Variants in SHISA9 observed in about 807,000 individuals in gnomAD.
SHISA9 encodes the protein shisa family member 9.
In SHISA9, 13 loss-of-function variants were observed where a neutral mutation model predicts 38.0. The observed-to-expected ratio is 0.34, with a 90% CI of 0.22 to 0.54. The LOEUF (loss-of-function observed/expected upper bound fraction) is 0.54. Ranked by LOEUF, SHISA9 falls within the 20% of genes least tolerant of loss-of-function variation. SHISA9 has a pLI of 0.91. For synonymous variants in SHISA9, 275 were observed against 242.0 expected, an observed-to-expected ratio of 1.14 and a Z score of -1.27; for missense variants, 538 against 575.8, an observed-to-expected ratio of 0.93 and a Z score of 0.67.
the SHISA9 span, among the ~76,000 whole-genome samples, chr16:13,365,455 T>TC: frequency 3.2e-5 from 1 of 30,804 alleles, no homozygotes; most frequent in Non-Finnish European, 6.9e-5. Context: ...AGTATACCTC[T>TC]TTTTTTTTTT....
intron 2 of SHISA9, among the ~76,000 whole-genome samples, chr16:12,988,424 T>C (rs962377002): frequency 6.6e-6 from 1 of 152,224 alleles, no homozygotes; most frequent in Non-Finnish European, 1.5e-5. Context: ...ACACCCGTGA[T>C]CACTCATTCT....
rs1175975647 is a variant in SHISA9, at chr16:12,904,737, C to T, written c.563+2110C>T. On this transcript the variant is annotated intron_variant, in intron 1 of 4. Transcript: ENST00000558583. The stretch of plus-strand genomic sequence containing the variant: ...AGTTGTTGATTTTTACTGGCAGCTT[C>T]TAAGGTATGATTTTCAACTGTAACT... Among the ~76,000 whole-genome samples the T allele has an allele frequency of 7.2e-5, 11 of 152,252 alleles. No individual in the cohort carries two copies. In the East Asian group the frequency reaches 1.9e-3, roughly 27 times the overall value.
intron 2 of SHISA9, among the ~76,000 whole-genome samples, chr16:13,040,152 A>C (rs2073117494): frequency 6.6e-6 from 1 of 152,122 alleles, no homozygotes; most frequent in South Asian, 2.1e-4. Context: ...ACCAAATCAC[A>C]TCATGTTACC....
chr16:13,057,227 T>C (rs1015184075), intron 2 of SHISA9, among the ~76,000 whole-genome samples: 8 of 152,056 alleles, frequency 5.3e-5, no homozygotes, highest in Non-Finnish European at 1.0e-4. Context: ...AGAACGTTCA[T>C]GGATTTGAGC....
At chr16:13,088,368 GA>G in intron 2 of SHISA9, among the ~76,000 whole-genome samples, 1 of 152,316 alleles carries the variant, frequency 6.6e-6, no homozygotes, top group Middle Eastern at 3.4e-3. Context: ...TTGGTAGCTT[GA>G]TGGGGACGGC....
At chr16:13,343,241 C>A in the SHISA9 span, among the ~76,000 whole-genome samples, 1 of 152,148 alleles carries the variant, frequency 6.6e-6, no homozygotes, top group South Asian at 2.1e-4. Context: ...ATCTGCAGAT[C>A]TCTCAATATC....
the SHISA9 span, among the ~76,000 whole-genome samples, chr16:13,285,488 T>TTTTTTTTTTTTTTTA: frequency 8.1e-6 from 1 of 123,754 alleles, no homozygotes; most frequent in African/African-American, 3.1e-5. Context: ...TTTTTTTTTT[T>TTTTTTTTTTTTTTTA]ATAAAAGGAG....
the SHISA9 span, among the ~76,000 whole-genome samples, chr16:13,289,952 T>A: frequency 2.6e-5 from 4 of 152,204 alleles, no homozygotes; most frequent in Non-Finnish European, 4.4e-5. Context: ...GAAAGAATGC[T>A]GTAATTTGAG....
intron 2 of SHISA9, among the ~76,000 whole-genome samples, chr16:13,130,496 T>C (rs74596990): frequency 0.014 from 2,203 of 152,312 alleles, 62 homozygotes; most frequent in African/African-American, 0.051. Context: ...CACATCCTTA[T>C]ATTTCTTGGT....
At chr16:13,434,575 G>A in the SHISA9 span, among the ~76,000 whole-genome samples, 1 of 151,786 alleles carries the variant, frequency 6.6e-6, no homozygotes, top group Non-Finnish European at 1.5e-5. Flanking sequence ...CCGCCACCAA[G>A]CCCAGCTAAT....
At chr16:13,314,458 T>C in the SHISA9 span, among the ~76,000 whole-genome samples, 2 of 152,122 alleles carry the variant, frequency 1.3e-5, no homozygotes, top group Non-Finnish European at 2.9e-5. Flanking sequence ...CAGGCTGGTC[T>C]CAAACTCCTG....
intron 2 of SHISA9, among the ~76,000 whole-genome samples, chr16:13,069,724 A>AG (rs1443838201): frequency 6.6e-6 from 1 of 151,944 alleles, no homozygotes. Context: ...ATGTCTTGAA[A>AG]CTTAATCTCA....
chr16:13,066,863 G>A (rs1157499270), intron 2 of SHISA9, among the ~76,000 whole-genome samples: 1 of 152,180 alleles, frequency 6.6e-6, no homozygotes, highest in East Asian at 1.9e-4. Flanking sequence ...TAAGTGGCAT[G>A]GTTGCACTGG....
chr16:13,448,960 G>A, the SHISA9 span, among the ~76,000 whole-genome samples: 10 of 152,200 alleles, frequency 6.6e-5, no homozygotes, highest in African/African-American at 1.4e-4. Context: ...ACTGTCACCC[G>A]TATTCTATTA....
At chr16:13,153,649 C>G (rs1476122824) in intron 2 of SHISA9, among the ~76,000 whole-genome samples, 1 of 152,152 alleles carries the variant, frequency 6.6e-6, no homozygotes, top group African/African-American at 2.4e-5. Context: ...AGTACAAGCT[C>G]CGGCAAGCAG....
chr16:13,470,608 G>A, the SHISA9 span, among the ~76,000 whole-genome samples: 29 of 152,232 alleles, frequency 1.9e-4, no homozygotes, highest in African/African-American at 6.5e-4. Context: ...AACTGCTGCC[G>A]TGATTCAATT....
At chr16:13,118,811 C>T (rs931658086) in intron 2 of SHISA9, among the ~76,000 whole-genome samples, 1 of 149,156 alleles carries the variant, frequency 6.7e-6, no homozygotes, top group Non-Finnish European at 1.5e-5. Flanking sequence ...CTTACTGCAA[C>T]CTCCACCTCA....
At chr16:13,173,351 G>A (rs1205725292) in intron 2 of SHISA9, among the ~76,000 whole-genome samples, 2 of 145,178 alleles carry the variant, frequency 1.4e-5, no homozygotes, top group African/African-American at 5.2e-5. Flanking sequence ...ACACTACAAT[G>A]TGGAAATGGC....
intron 2 of SHISA9, among the ~76,000 whole-genome samples, chr16:13,056,919 G>T (rs2073317619): frequency 6.6e-6 from 1 of 152,230 alleles, no homozygotes. Context: ...ACACAGCGGG[G>T]CTTAGGGAGA....
Sources: allele counts gnomAD v4.1 joint callset (sites outside exome capture counted in the v4.1 genomes callset), GRCh38; gene constraint gnomAD v4.1.1; transcripts MANE v1.5; gene names NCBI Gene and HGNC (gene_info 2026-07-23, HGNC 2026-07-21).